The following SCHIP1 variants were observed in gnomAD, a reference collection of about 807,000 sequenced individuals.
SCHIP1 encodes schwannomin interacting protein 1, also known as schwannomin-interacting protein 1.
Under a neutral mutation model 29.7 loss-of-function variants are expected in SCHIP1, and 8 were observed. The observed-to-expected ratio is 0.27, with a 90% confidence interval of 0.16 to 0.49. The LOEUF is 0.49. Among genes scored for constraint, SCHIP1 ranks in the 20% least tolerant of loss-of-function variants. SCHIP1 has a pLI of 0.99. For synonymous variants in SCHIP1, 76 were observed against 94.9 expected (o/e 0.80, Z 1.16); for missense variants, 193 against 294.6 (o/e 0.66, Z 2.52).
At chr3:159,841,363 C>A (rs1456462334) in intron 1 of SCHIP1, among the ~76,000 whole-genome samples, 1 of 151,988 alleles carries the variant, frequency 6.6e-6, no homozygotes, top group Non-Finnish European at 1.5e-5. Context: ...GCCATAGATC[C>A]TAAATATTGA....
the SCHIP1 span, among the ~76,000 whole-genome samples, chr3:159,326,110 GGCTAAGTT>G: frequency 6.6e-6 from 1 of 152,092 alleles, no homozygotes; most frequent in Non-Finnish European, 1.5e-5. Flanking sequence ...GACACGGAGA[GGCTAAGTT>G]ACCTGCCCAA....
chr3:159,504,076 T>A, the SCHIP1 span, among the ~76,000 whole-genome samples: 1 of 152,114 alleles, frequency 6.6e-6, no homozygotes, highest in Non-Finnish European at 1.5e-5. Context: ...TTCAGATCTG[T>A]TTTTTGGAAC....
chr3:159,558,002 C>T, the SCHIP1 span, among the ~76,000 whole-genome samples: 47 of 152,198 alleles, frequency 3.1e-4, no homozygotes, highest in Middle Eastern at 3.4e-3. Flanking sequence ...GAGAAGGATC[C>T]GCAAGATATA....
At chr3:159,819,597 A>C in the SCHIP1 span, among the ~76,000 whole-genome samples, 31,490 of 152,198 alleles carry the variant, frequency 0.21, 4,262 homozygotes, top group East Asian at 0.52. Flanking sequence ...TCTGGTCACC[A>C]GTGGCTCCAG....
chr3:159,625,850 TTAA>T, the SCHIP1 span, among the ~76,000 whole-genome samples: 41 of 151,890 alleles, frequency 2.7e-4, no homozygotes, highest in Non-Finnish European at 4.1e-4. Context: ...TCTCAGCAAG[TTAA>T]TACGTAGATC....
chr3:159,554,430 C>T, the SCHIP1 span, among the ~76,000 whole-genome samples: 2 of 152,154 alleles, frequency 1.3e-5, no homozygotes, highest in Non-Finnish European at 2.9e-5. Context: ...TACATTCCTA[C>T]CTTCCCCTGC....
chr3:159,692,084 A>G, the SCHIP1 span, among the ~76,000 whole-genome samples: 2 of 135,612 alleles, frequency 1.5e-5, no homozygotes, highest in African/African-American at 5.8e-5. Context: ...TGCGGACTGC[A>G]GTGGCGCAAT....
the SCHIP1 span, among the ~76,000 whole-genome samples, chr3:159,464,563 A>G: frequency 6.7e-6 from 1 of 149,660 alleles, no homozygotes; most frequent in African/African-American, 2.4e-5. Flanking sequence ...TATTAAAAGC[A>G]TTTATAAAAG....
the SCHIP1 span, among the ~76,000 whole-genome samples, chr3:159,780,980 T>G: frequency 6.6e-6 from 1 of 152,212 alleles, no homozygotes; most frequent in Non-Finnish European, 1.5e-5. Flanking sequence ...GCTCCAGGAA[T>G]CAGATCATCA....
the SCHIP1 span, among the ~76,000 whole-genome samples, chr3:159,721,012 T>A: frequency 1.3e-5 from 2 of 152,250 alleles, no homozygotes; most frequent in Non-Finnish European, 2.9e-5. Context: ...TCTTTCTTAA[T>A]AAAATACTTT....
the SCHIP1 span, among the ~76,000 whole-genome samples, chr3:159,589,167 A>G: frequency 6.6e-6 from 1 of 152,152 alleles, no homozygotes; most frequent in Non-Finnish European, 1.5e-5. Context: ...GTTTTCCTTG[A>G]AGAGGTCCTT....
chr3:159,426,812 A>T, the SCHIP1 span, among the ~76,000 whole-genome samples: 1 of 152,256 alleles, frequency 6.6e-6, no homozygotes, highest in Non-Finnish European at 1.5e-5. Flanking sequence ...TGAATCCAGC[A>T]GCACATCAAA....
exon 1 of SCHIP1, chr3:159,839,907 GCGCCCCC>G: frequency 1.4e-6 from 2 of 1,397,574 alleles, no homozygotes; most frequent in East Asian, 5.4e-5. Context: ...CGGGTGATGA[GCGCCCCC>G]TCCCCCAGCC....
At chr3:159,583,129 G>A in the SCHIP1 span, among the ~76,000 whole-genome samples, 3 of 151,988 alleles carry the variant, frequency 2.0e-5, no homozygotes, top group Non-Finnish European at 2.9e-5. Flanking sequence ...CACATGTTAG[G>A]ATTTAAAATT....
chr3:159,570,237 G>T, the SCHIP1 span, among the ~76,000 whole-genome samples: 3 of 152,112 alleles, frequency 2.0e-5, no homozygotes, highest in Non-Finnish European at 1.5e-5. Flanking sequence ...GTCCTGAATG[G>T]TATTGCCTAG....
chr3:159,742,736 C>T, the SCHIP1 span, among the ~76,000 whole-genome samples: 1 of 151,650 alleles, frequency 6.6e-6, no homozygotes, highest in Non-Finnish European at 1.5e-5. Flanking sequence ...GGTCCGATCT[C>T]AGCTCACTGC....
the SCHIP1 span, among the ~76,000 whole-genome samples, chr3:159,778,546 G>T: frequency 1.3e-5 from 2 of 152,026 alleles, no homozygotes; most frequent in South Asian, 4.2e-4. Flanking sequence ...ATTAAAAAGG[G>T]TATACTAAAA....
At chr3:159,629,937 G>C in the SCHIP1 span, among the ~76,000 whole-genome samples, 1 of 152,162 alleles carries the variant, frequency 6.6e-6, no homozygotes, top group East Asian at 1.9e-4. Flanking sequence ...ACTATTATAA[G>C]TGGCGGAACA....
chr3:159,607,384 G>A, the SCHIP1 span, among the ~76,000 whole-genome samples: 3 of 152,080 alleles, frequency 2.0e-5, no homozygotes, highest in African/African-American at 7.2e-5. Context: ...GAGGAAGGAG[G>A]TAGGTAGCAT....
Sources: allele counts gnomAD v4.1 joint callset (sites outside exome capture counted in the v4.1 genomes callset), GRCh38; gene constraint gnomAD v4.1.1; transcripts MANE v1.5; gene names NCBI Gene and HGNC (gene_info 2026-07-23, HGNC 2026-07-21).